Variants in PI4KA observed in about 807,000 individuals in gnomAD.
The protein encoded by PI4KA is phosphatidylinositol 4-kinase alpha, also known as PI4-kinase alpha.
PI4KA carries 122 observed loss-of-function variants against 271.4 expected under a neutral mutation model. The observed-to-expected ratio is 0.45, with a 90% CI of 0.39 to 0.52. The LOEUF (loss-of-function observed/expected upper bound fraction) is 0.52. PI4KA is among the 20% of genes least tolerant of loss of function. PI4KA has a pLI of 0.00. For synonymous variants in PI4KA, 1,041 were observed against 1,078.8 expected (o/e 0.96, Z 0.69); for missense variants, 1,969 against 2,769.1 (o/e 0.71, Z 6.48).
chr22:20,750,057 A>G, intron 27 of PI4KA, 63 bp from the exon 28 acceptor site: 1 of 1,067,184 alleles, frequency 9.4e-7, no homozygotes, highest in Non-Finnish European at 1.5e-6. Context: ...TGCCGTAGTG[A>G]CTGTCATGGG....
intron 19 of PI4KA, among the ~76,000 whole-genome samples, chr22:20,767,069 T>C (rs1332005864): frequency 1.3e-5 from 2 of 152,134 alleles, no homozygotes; most frequent in African/African-American, 2.4e-5. Context: ...GGCACAAAAA[T>C]GTTGCAACAG....
At chr22:20,747,476 T>G (rs150118832) in intron 29 of PI4KA, 107 bp downstream of exon 29, 5 of 1,192,058 alleles carry the variant, frequency 4.2e-6, no homozygotes, top group Non-Finnish European at 6.0e-6. Context: ...GCACCCTGCA[T>G]GTACTCATGT....
chr22:20,744,985 C>G (rs1406991702), intron 29 of PI4KA, among the ~76,000 whole-genome samples: 4 of 152,078 alleles, frequency 2.6e-5, no homozygotes, highest in Non-Finnish European at 4.4e-5. Context: ...AAAAGAATCA[C>G]TAGATTGTGA....
At chr22:20,763,942 C>T (rs972092815) in intron 22 of PI4KA, among the ~76,000 whole-genome samples, 1 of 152,130 alleles carries the variant, frequency 6.6e-6, no homozygotes, top group African/African-American at 2.4e-5. Flanking sequence ...ATGTATTGAG[C>T]TTTCAAGGAC....
At chr22:20,738,751 A>C (rs980027157) in intron 32 of PI4KA, among the ~76,000 whole-genome samples, 1 of 152,166 alleles carries the variant, frequency 6.6e-6, no homozygotes, top group South Asian at 2.1e-4. Context: ...AAAGACCCCA[A>C]ATGAAACAGT....
At chr22:20,811,727 A>ACCTAGGC (rs1174641067) in intron 8 of PI4KA, among the ~76,000 whole-genome samples, 1 of 151,972 alleles carries the variant, frequency 6.6e-6, no homozygotes, top group Admixed American at 6.6e-5. Flanking sequence ...CTAAAAGAAA[A>ACCTAGGC]CCTAGGCCAG....
chr22:20,842,774 C>T (rs1319548783), intron 1 of PI4KA, among the ~76,000 whole-genome samples: 5 of 148,350 alleles, frequency 3.4e-5, no homozygotes, highest in Non-Finnish European at 7.4e-5. Context: ...GATTGTGCCA[C>T]TGCACTCTCC....
chr22:20,776,361 T>C (rs1933273171), intron 19 of PI4KA, among the ~76,000 whole-genome samples: 1 of 152,122 alleles, frequency 6.6e-6, no homozygotes, highest in Admixed American at 6.6e-5. Flanking sequence ...TTCTAGAAAC[T>C]GTTTTCCCGT....
intron 19 of PI4KA, among the ~76,000 whole-genome samples, chr22:20,772,921 C>G (rs557102984): frequency 3.9e-5 from 6 of 152,252 alleles, no homozygotes; most frequent in African/African-American, 1.4e-4. Context: ...GAGACCCTGT[C>G]TCTACAAAAA....
intron 19 of PI4KA, among the ~76,000 whole-genome samples, chr22:20,768,364 A>T (rs540949249): frequency 6.6e-6 from 1 of 152,264 alleles, no homozygotes; most frequent in South Asian, 2.1e-4. Flanking sequence ...GAGCCACCAC[A>T]CTCAGCCAAG....
chr22:20,713,638 T>C (rs1026660419), intron 47 of PI4KA, among the ~76,000 whole-genome samples: 12 of 152,220 alleles, frequency 7.9e-5, no homozygotes, highest in Admixed American at 3.9e-4. Context: ...AGAGCCCCAT[T>C]TCATCTGCAG....
At chr22:20,723,432 A>C (rs1018112874) in intron 42 of PI4KA, among the ~76,000 whole-genome samples, 4 of 151,562 alleles carry the variant, frequency 2.6e-5, no homozygotes, top group Non-Finnish European at 5.9e-5. Context: ...GTGTGGTGGC[A>C]CACGCCTGTA....
At chr22:20,748,699 G>C (rs1189444039) in intron 28 of PI4KA, among the ~76,000 whole-genome samples, 1 of 152,236 alleles carries the variant, frequency 6.6e-6, no homozygotes, top group Non-Finnish European at 1.5e-5. Flanking sequence ...TGTCTCAATG[G>C]TTTTGGGGGA....
At chr22:20,815,895 G>A (rs759763541) in intron 7 of PI4KA, among the ~76,000 whole-genome samples, 4 of 152,056 alleles carry the variant, frequency 2.6e-5, no homozygotes, top group Non-Finnish European at 4.4e-5. Context: ...CAGGAACTAG[G>A]GACCTAACAT....
Position 20,764,893 on chromosome 22 carries a change from C to A in PI4KA, c.2632G>T (p.Val878Leu), listed in dbSNP as rs746085885. Reference protein sequence around the residue: ...IINLLDPPPEVSALINKLDFA... With the variant: ...IINLLDPPPELSALINKLDFA... ...TCCAGCTTGTTGATGAGTGCGGACA[C>A]CTCGGGAGGGGGGTCCAGCAGGTTG... The change falls in exon 22 of 55, where the codon GTG becomes TTG. Residue 878 changes from valine (V) to leucine (L), a missense_variant. Val to Leu is a conservative substitution (Grantham distance 32, BLOSUM62 1). Transcript: ENST00000255882. The A allele has an allele frequency of 6.2e-7, 1 of 1,613,612 alleles. No homozygotes were observed. The highest frequency in any genetic ancestry group is 1.1e-5 in the South Asian group (1 of 90,974).
At chr22:20,854,736 CAAAGAGAAGGGGAAGAGGGA>C (rs79354753) in intron 1 of PI4KA, among the ~76,000 whole-genome samples, 74,025 of 151,906 alleles carry the variant, frequency 0.49, 18,550 homozygotes, top group African/African-American at 0.59. Flanking sequence ...AAAATAGAAG[CAAAGAGAAGGGGAAGAGGGA>C]AGAGAGAAGG....
chr22:20,767,859 T>G (rs1390542080), intron 19 of PI4KA, among the ~76,000 whole-genome samples: 4 of 151,756 alleles, frequency 2.6e-5, no homozygotes, highest in Admixed American at 2.6e-4. Flanking sequence ...GGTCTCAAAC[T>G]CCTGACCTCA....
chr22:20,832,422 T>C (rs955464184), intron 3 of PI4KA, among the ~76,000 whole-genome samples: 2 of 151,866 alleles, frequency 1.3e-5, no homozygotes, highest in African/African-American at 4.8e-5. Flanking sequence ...GCCGAAATTC[T>C]TGAAGTGAGT....
At chr22:20,854,412 T>C (rs1927345770) in intron 1 of PI4KA, among the ~76,000 whole-genome samples, 1 of 152,136 alleles carries the variant, frequency 6.6e-6, no homozygotes, top group Admixed American at 6.6e-5. Flanking sequence ...TGAGTCACTG[T>C]GCCCAGCCTA....
Sources: gnomAD v4.1 joint callset for allele counts (sites outside exome capture counted in the v4.1 genomes callset) on GRCh38, gnomAD v4.1.1 for gene constraint, MANE v1.5 for transcripts, NCBI Gene and HGNC (gene_info 2026-07-23, HGNC 2026-07-21) for gene names.